MAPK10: variants seen among roughly 807,000 people sequenced by gnomAD.
MAPK10 encodes mitogen-activated protein kinase 10.
In MAPK10, 25 loss-of-function variants were observed where a neutral mutation model predicts 59.3. The observed-to-expected ratio is 0.42, with a 90% CI of 0.31 to 0.59. MAPK10 has a LOEUF of 0.59. Among genes scored for constraint, MAPK10 ranks in the 20% least tolerant of loss-of-function variants. The pLI is 0.15. For missense variants in MAPK10, 351 were observed against 568.9 expected (o/e 0.62, Z 3.90); for synonymous variants, 190 against 200.5 (o/e 0.95, Z 0.44).
chr4:86,546,619 G>T (rs1372301055), intron 1 of MAPK10, among the ~76,000 whole-genome samples: 3 of 151,840 alleles, frequency 2.0e-5, no homozygotes, highest in African/African-American at 7.3e-5. Flanking sequence ...ACCAAGCAAG[G>T]GGCCCTTCTG....
chr4:86,585,712 C>T (rs1392932596), intron 1 of MAPK10, among the ~76,000 whole-genome samples: 1 of 152,154 alleles, frequency 6.6e-6, no homozygotes. Context: ...GTGGCAGGTT[C>T]CCCTTTTAAT....
At chr4:86,035,534 C>T (rs1300177804) in intron 11 of MAPK10, among the ~76,000 whole-genome samples, 6 of 147,502 alleles carry the variant, frequency 4.1e-5, no homozygotes, top group East Asian at 2.0e-4. Flanking sequence ...AGCCATTGCA[C>T]GATCTATAAA....
At chr4:86,444,809 A>G (rs1050451513) in intron 1 of MAPK10, among the ~76,000 whole-genome samples, 9 of 152,178 alleles carry the variant, frequency 5.9e-5, no homozygotes, top group African/African-American at 2.2e-4. Flanking sequence ...CAACAAATAT[A>G]TAAAAAAAGA....
intron 4 of MAPK10, among the ~76,000 whole-genome samples, chr4:86,148,105 A>G (rs1015235835): frequency 2.6e-5 from 4 of 152,244 alleles, no homozygotes; most frequent in Non-Finnish European, 5.9e-5. Context: ...GGAGATCATC[A>G]TCTAGCAGCA....
At chr4:86,537,602 T>C (rs1758347297) in intron 1 of MAPK10, among the ~76,000 whole-genome samples, 1 of 152,198 alleles carries the variant, frequency 6.6e-6, no homozygotes, top group South Asian at 2.1e-4. Flanking sequence ...TTTATAGGTA[T>C]TCAAGTCTCA....
intron 2 of MAPK10, among the ~76,000 whole-genome samples, chr4:86,242,632 T>G (rs2092806168): frequency 6.6e-6 from 1 of 152,196 alleles, no homozygotes; most frequent in Non-Finnish European, 1.5e-5. Context: ...AGGCCCTGAC[T>G]GCCACAGCCA....
At chr4:86,140,654 G>A (rs2063438777) in intron 4 of MAPK10, among the ~76,000 whole-genome samples, 1 of 151,198 alleles carries the variant, frequency 6.6e-6, no homozygotes. Flanking sequence ...TGCACAATGT[G>A]CACATGTACC....
chr4:86,048,186 A>G (rs894477428), intron 11 of MAPK10, among the ~76,000 whole-genome samples: 1 of 152,062 alleles, frequency 6.6e-6, no homozygotes, highest in South Asian at 2.1e-4. Flanking sequence ...TGCACCTGCC[A>G]TTACTCTCAC....
At chr4:86,421,166 GAAC>G (rs1746494425) in intron 1 of MAPK10, among the ~76,000 whole-genome samples, 1 of 152,012 alleles carries the variant, frequency 6.6e-6, no homozygotes, top group African/African-American at 2.4e-5. Flanking sequence ...TACTTAAAAT[GAAC>G]AATAGGAGTC....
intron 3 of MAPK10, among the ~76,000 whole-genome samples, chr4:86,187,380 T>C (rs1189757079): frequency 1.3e-5 from 2 of 152,152 alleles, no homozygotes; most frequent in Non-Finnish European, 2.9e-5. Context: ...CAGGTGGCAT[T>C]ATATGGACGT....
chr4:86,056,078 A>C (rs2044490008), intron 11 of MAPK10, among the ~76,000 whole-genome samples: 1 of 150,086 alleles, frequency 6.7e-6, no homozygotes, highest in African/African-American at 2.5e-5. Context: ...TCACTCATCA[A>C]AGGAAAATGT....
intron 1 of MAPK10, among the ~76,000 whole-genome samples, chr4:86,479,212 T>C (rs1455265729): frequency 1.3e-5 from 2 of 152,076 alleles, no homozygotes; most frequent in Admixed American, 6.5e-5. Flanking sequence ...GGACCGGCCT[T>C]TATTAGTCAA....
intron 1 of MAPK10, among the ~76,000 whole-genome samples, chr4:86,394,657 G>A (rs1198191876): frequency 6.6e-6 from 1 of 152,150 alleles, no homozygotes; most frequent in African/African-American, 2.4e-5. Flanking sequence ...AAGATACAAT[G>A]ACTCGTGGAA....
chr4:86,214,003 C>G (rs150126147), intron 2 of MAPK10, among the ~76,000 whole-genome samples: 64 of 152,086 alleles, frequency 4.2e-4, no homozygotes, highest in Middle Eastern at 3.4e-3. Flanking sequence ...CAACAAAATA[C>G]TAGCAACACA....
rs538579066 is a variant in MAPK10, at chr4:86,554,888, C to A, written c.-263+39022G>T. On this transcript the variant is annotated intron_variant, in intron 1 of 4. Coordinates refer to the MAPK10 transcript ENST00000502302. ...AATTTCATTTCCTTCCACTCCCCAC[C>A]ACAGCCCTAAGCTCCAAACCACAAT... Among the ~76,000 whole-genome samples the A allele has an allele frequency of 7.9e-5, 12 of 152,298 alleles. 1 individual carries two copies. The South Asian group carries it at 2.5e-3, about 32-fold the overall frequency.
At chr4:86,156,849 A>T (rs977238652) in intron 4 of MAPK10, among the ~76,000 whole-genome samples, 1 of 151,716 alleles carries the variant, frequency 6.6e-6, no homozygotes, top group Non-Finnish European at 1.5e-5. Flanking sequence ...GTTGCTAAAA[A>T]CTCATCTTGC....
At chr4:86,581,786 A>G (rs974257511) in intron 1 of MAPK10, among the ~76,000 whole-genome samples, 1 of 148,964 alleles carries the variant, frequency 6.7e-6, no homozygotes, top group African/African-American at 2.5e-5. Context: ...TAGACTATCA[A>G]TTTTTAAAAA....
At chr4:86,405,460 T>C (rs1367391088) in intron 1 of MAPK10, among the ~76,000 whole-genome samples, 1 of 152,208 alleles carries the variant, frequency 6.6e-6, no homozygotes, top group Non-Finnish European at 1.5e-5. Context: ...GAGGTACCAG[T>C]ATAATTTGAT....
chr4:86,110,667 G>C (rs1185867331), intron 4 of MAPK10, among the ~76,000 whole-genome samples: 5 of 152,138 alleles, frequency 3.3e-5, no homozygotes, highest in Non-Finnish European at 7.4e-5. Context: ...CAGGTAGTAT[G>C]ATGTCTCCAG....
Sources: gnomAD v4.1 joint callset for allele counts (sites outside exome capture counted in the v4.1 genomes callset) on GRCh38, gnomAD v4.1.1 for gene constraint, MANE v1.5 for transcripts, NCBI Gene and HGNC (gene_info 2026-07-23, HGNC 2026-07-21) for gene names.